PGM5: variants seen among roughly 807,000 people sequenced by gnomAD.
PGM5 encodes phosphoglucomutase-like protein 5.
In PGM5, 23 loss-of-function variants were observed where a neutral mutation model predicts 59.2. The observed-to-expected ratio is 0.39, with a 90% CI of 0.28 to 0.55. The LOEUF (loss-of-function observed/expected upper bound fraction) is 0.55, where lower values mean the gene tolerates loss of function less well. Ranked by LOEUF, PGM5 falls within the 20% of genes least tolerant of loss-of-function variation. The pLI is 0.66. For synonymous variants in PGM5, 214 were observed against 286.0 expected, an observed-to-expected ratio of 0.75 and a Z score of 2.54; for missense variants, 574 against 748.3, an observed-to-expected ratio of 0.77 and a Z score of 2.72.
intron 10 of PGM5, among the ~76,000 whole-genome samples, chr9:68,519,981 T>C (rs567211562): frequency 6.6e-6 from 1 of 150,884 alleles, no homozygotes; most frequent in East Asian, 1.9e-4. Flanking sequence ...TCCTAGCTAA[T>C]TGGGAGGCTG....
chr9:68,383,997 A>C (rs1554678611), intron 2 of PGM5, among the ~76,000 whole-genome samples: 1 of 151,974 alleles, frequency 6.6e-6, no homozygotes, highest in East Asian at 1.9e-4. Context: ...TTCTAGATGC[A>C]CTGGGGAAGC....
intron 7 of PGM5, among the ~76,000 whole-genome samples, chr9:68,476,630 C>T (rs1411159823): frequency 6.6e-6 from 1 of 152,186 alleles, no homozygotes; most frequent in African/African-American, 2.4e-5. Flanking sequence ...GTAATTGAAG[C>T]ATCATTAATG....
At chr9:68,416,615 C>T (rs1277257838) in intron 6 of PGM5, among the ~76,000 whole-genome samples, 20 of 152,310 alleles carry the variant, frequency 1.3e-4, no homozygotes, top group South Asian at 6.2e-4. Flanking sequence ...TCTCATTTGG[C>T]GTTGAGACAT....
At chr9:68,389,930 A>G (rs1325769329) in intron 4 of PGM5, among the ~76,000 whole-genome samples, 3 of 152,108 alleles carry the variant, frequency 2.0e-5, no homozygotes, top group Non-Finnish European at 4.4e-5. Context: ...CATTTTAGCC[A>G]TTCTACTCTA....
chr9:68,387,360 G>T (rs1196264122), intron 3 of PGM5, 103 bp from the exon 4 acceptor site: 1 of 1,009,682 alleles, frequency 9.9e-7, no homozygotes, highest in Admixed American at 2.1e-5. Context: ...TGATGGGCTT[G>T]TGACCAGAAT....
intron 6 of PGM5, among the ~76,000 whole-genome samples, chr9:68,449,287 T>C (rs1454415391): frequency 6.6e-6 from 1 of 152,248 alleles, no homozygotes; most frequent in Non-Finnish European, 1.5e-5. Context: ...CCTGGGGCTC[T>C]AGCTTTGCTT....
rs1823910154 is a variant in PGM5, at chr9:68,464,968, A to C, written c.1044-125A>C. 5.2e-6 allele frequency: 3 copies of C among 573,698 alleles called. No homozygotes were observed. The South Asian group carries it at 6.9e-5, about 13-fold the overall frequency. The allele number at this position is 573,698 out of a possible 1,614,324, so 35.5% of individuals were successfully genotyped here. On this transcript the variant is annotated intron_variant, in intron 6 of 10. Coordinates refer to ENST00000396396, the MANE Select transcript of PGM5 (RefSeq NM_021965.4). ...GCTTGATATCCTGAAATCTGTCAAC[A>C]CTACCCAGGTTGTTCTGAAATCTAG... is the stretch of plus-strand genomic sequence containing the variant.
At chr9:68,453,011 A>G (rs1472244877) in intron 6 of PGM5, among the ~76,000 whole-genome samples, 2 of 152,222 alleles carry the variant, frequency 1.3e-5, no homozygotes, top group African/African-American at 4.8e-5. Context: ...TAGTCCTATG[A>G]AGAAAATATT....
chr9:68,522,654 T>C (rs1824916498), intron 10 of PGM5, among the ~76,000 whole-genome samples: 1 of 152,214 alleles, frequency 6.6e-6, no homozygotes, highest in Non-Finnish European at 1.5e-5. Context: ...TGTGATTTTA[T>C]TTTAATTTGC....
intron 6 of PGM5, among the ~76,000 whole-genome samples, chr9:68,401,107 TA>T (rs11286100): frequency 0.99 from 150,174 of 151,630 alleles, 74,389 homozygotes; most frequent in East Asian, 1. Context: ...ATTTATGTAT[TA>T]AACTGGCTAG....
intron 10 of PGM5, among the ~76,000 whole-genome samples, chr9:68,514,337 T>C (rs1824793624): frequency 6.6e-6 from 1 of 152,076 alleles, no homozygotes; most frequent in Admixed American, 6.6e-5. Flanking sequence ...TGTACTGGCT[T>C]AAACCTCCAA....
At chr9:68,503,053 T>G (rs114557689) in intron 10 of PGM5, among the ~76,000 whole-genome samples, 107 of 152,250 alleles carry the variant, frequency 7.0e-4, no homozygotes, top group African/African-American at 2.5e-3. Flanking sequence ...AAGAACCAGG[T>G]CCCTCATATT....
Position 68,514,621 on chromosome 9 carries a change from AAAC to A in PGM5, c.1615-14931_1615-14929del, listed in dbSNP as rs1194129969. On this transcript the variant is annotated intron_variant, in intron 10 of 10. Coordinates refer to ENST00000396396, the MANE Select transcript of PGM5 (RefSeq NM_021965.4). ...CTCCATCTCAAAAAAACAAGCAAAC[AAAC>A]AACAACAACAACAAAACTGGAGGGA... 5.3e-5 allele frequency among the ~76,000 whole-genome samples: 8 copies of A among 152,166 alleles called. No homozygotes were observed. In the East Asian group the frequency reaches 1.2e-3, roughly 22 times the overall value.
chr9:68,385,291 A>T (rs1822188372), intron 3 of PGM5, among the ~76,000 whole-genome samples: 1 of 152,190 alleles, frequency 6.6e-6, no homozygotes. Context: ...ATAGCAATAG[A>T]TCTAACATGT....
intron 6 of PGM5, chr9:68,393,981 A>C (rs1463651672): frequency 6.6e-6 from 1 of 152,232 alleles, no homozygotes; most frequent in Non-Finnish European, 1.5e-5. Context: ...TGAATAAAAA[A>C]ATATTAAATG....
chr9:68,525,415 T>C (rs1309227981), intron 10 of PGM5, among the ~76,000 whole-genome samples: 1 of 152,188 alleles, frequency 6.6e-6, no homozygotes, highest in African/African-American at 2.4e-5. Context: ...CGTAGTGATA[T>C]CTCTGTCAAC....
chr9:68,360,115 GA>G, intron 1 of PGM5, among the ~76,000 whole-genome samples: 1 of 152,140 alleles, frequency 6.6e-6, no homozygotes, highest in Admixed American at 6.5e-5. Flanking sequence ...AAAGTGTCAT[GA>G]ACCACCATGC....
intron 7 of PGM5, among the ~76,000 whole-genome samples, chr9:68,476,971 G>A (rs1824116557): frequency 6.7e-6 from 1 of 148,506 alleles, no homozygotes; most frequent in Non-Finnish European, 1.5e-5. Context: ...TCTCTAGCCA[G>A]TAAATAAAAG....
intron 6 of PGM5, among the ~76,000 whole-genome samples, chr9:68,413,513 A>G (rs1822971303): frequency 6.6e-6 from 1 of 152,228 alleles, no homozygotes; most frequent in South Asian, 2.1e-4. Flanking sequence ...CTTACCTAGA[A>G]TTAATTAAAG....
Sources: gnomAD v4.1 joint callset for allele counts (sites outside exome capture counted in the v4.1 genomes callset) on GRCh38, gnomAD v4.1.1 for gene constraint, MANE v1.5 for transcripts, NCBI Gene and HGNC (gene_info 2026-07-23, HGNC 2026-07-21) for gene names.